Variants in NDST3 observed in about 807,000 individuals in gnomAD.
NDST3 encodes bifunctional heparan sulfate N-deacetylase/N-sulfotransferase 3.
In NDST3, 58 loss-of-function variants were observed where a neutral mutation model predicts 96.1. That is an observed-to-expected ratio of 0.60 (90% confidence interval 0.49 to 0.75). The LOEUF (loss-of-function observed/expected upper bound fraction) is 0.75, where lower values mean the gene tolerates loss of function less well. Among genes scored for constraint, NDST3 ranks in the 30% least tolerant of loss-of-function variants. The pLI, the probability that NDST3 is intolerant of heterozygous loss-of-function variation, is 0.00. For missense variants in NDST3, 788 were observed against 1,034.2 expected, an observed-to-expected ratio of 0.76 and a Z score of 3.27; for synonymous variants, 333 against 359.7, an observed-to-expected ratio of 0.93 and a Z score of 0.84.
chr4:118,160,426 G>C (rs999520403), intron 6 of NDST3, among the ~76,000 whole-genome samples: 1 of 151,032 alleles, frequency 6.6e-6, no homozygotes, highest in Non-Finnish European at 1.5e-5. Flanking sequence ...TCTGACAAAG[G>C]TCCAATAGCC....
chr4:118,061,339 A>C (rs931491999), intron 2 of NDST3, among the ~76,000 whole-genome samples: 4 of 151,922 alleles, frequency 2.6e-5, no homozygotes, highest in Admixed American at 2.6e-4. Context: ...TAAAGTTGCA[A>C]CCTCTAAATC....
chr4:118,034,117 A>T (rs1396230592), upstream of NDST3, among the ~76,000 whole-genome samples: 1 of 152,210 alleles, frequency 6.6e-6, no homozygotes, highest in Non-Finnish European at 1.5e-5. Flanking sequence ...AAAGAAAAAA[A>T]CAAACAGCCT....
chr4:118,244,142 A>G (rs971527806), intron 12 of NDST3, among the ~76,000 whole-genome samples: 11 of 152,274 alleles, frequency 7.2e-5, no homozygotes, highest in Admixed American at 5.2e-4. Context: ...TCAATCATCA[A>G]TTGGCCTGAC....
intron 5 of NDST3, among the ~76,000 whole-genome samples, chr4:118,140,384 C>A (rs1733475339): frequency 6.6e-6 from 1 of 152,144 alleles, no homozygotes; most frequent in Non-Finnish European, 1.5e-5. Flanking sequence ...AACATAAACA[C>A]CAATTACACT....
chr4:118,237,016 C>A, intron 9 of NDST3, 30 bp from the exon 10 acceptor site: 1 of 1,524,558 alleles, frequency 6.6e-7, no homozygotes, highest in Non-Finnish European at 8.9e-7. Flanking sequence ...AAACCAGAAT[C>A]TTATTTTGAG....
intron 3 of NDST3, among the ~76,000 whole-genome samples, chr4:118,113,934 G>A (rs1014457749): frequency 7.9e-5 from 12 of 151,986 alleles, no homozygotes; most frequent in African/African-American, 2.9e-4. Context: ...GATATGCCTA[G>A]GGAAGTACAA....
At chr4:118,080,673 T>C (rs2125816741) in intron 2 of NDST3, among the ~76,000 whole-genome samples, 1 of 152,282 alleles carries the variant, frequency 6.6e-6, no homozygotes, top group Admixed American at 6.5e-5. Context: ...TTATGTGCCA[T>C]ATTTTTTTAA....
At chr4:118,046,491 T>C (rs540684091) in intron 1 of NDST3, among the ~76,000 whole-genome samples, 1 of 152,308 alleles carries the variant, frequency 6.6e-6, no homozygotes, top group East Asian at 1.9e-4. Context: ...TCATGTCTGT[T>C]CTGCAGGCCT....
At chr4:118,091,660 T>A (rs1285971896) in intron 2 of NDST3, among the ~76,000 whole-genome samples, 1 of 151,708 alleles carries the variant, frequency 6.6e-6, no homozygotes, top group Non-Finnish European at 1.5e-5. Flanking sequence ...ACTGAGGGAA[T>A]GGAAGAGTAT....
intron 6 of NDST3, among the ~76,000 whole-genome samples, chr4:118,223,125 A>C (rs966219257): frequency 2.6e-5 from 4 of 152,018 alleles, no homozygotes; most frequent in Admixed American, 2.6e-4. Flanking sequence ...TACCTTATTA[A>C]GCTACACTGA....
intron 2 of NDST3, among the ~76,000 whole-genome samples, chr4:118,097,982 G>C (rs1479076171): frequency 6.6e-6 from 1 of 151,850 alleles, no homozygotes; most frequent in Non-Finnish European, 1.5e-5. Flanking sequence ...CTCACATTTT[G>C]TTTTTAACAC....
In NDST3 at chr4:118,233,080, A is replaced by G. The variant is rs541397753; in HGVS notation, c.1888A>G (p.Thr630Ala). ...CCTTAGTAACTCCCCCAGCCCAAAA[A>G]CCTTTGAGGAGGTACAGTTCTTTAA... is the stretch of plus-strand genomic sequence containing the variant. ...SILSNSPSPK[T>A]FEEVQFFNRN... Residue 630 changes from threonine (T) to alanine (A), a missense_variant, in exon 9 of 14, where the codon ACC becomes GCC. Thr to Ala is a moderately conservative substitution (Grantham distance 58). This residue lies in a region of NDST3 where 490 missense variants were observed against 708.8 expected (regional missense o/e 0.69). Coordinates refer to ENST00000296499, the MANE Select transcript of NDST3 (RefSeq NM_004784.3). 1 of 1,612,778 alleles carries G rather than the reference A, an allele frequency of 6.2e-7. No individual in the cohort carries two copies. Among genetic ancestry groups the G allele is most frequent in the Non-Finnish European group, 8.5e-7 (1 of 1,178,922 alleles).
intron 6 of NDST3, among the ~76,000 whole-genome samples, chr4:118,186,221 C>T (rs895989023): frequency 6.6e-6 from 1 of 152,130 alleles, no homozygotes; most frequent in African/African-American, 2.4e-5. Context: ...GTCTGGTCTG[C>T]TGGGGCCTAC....
At chr4:118,043,895 A>C (rs13118131) in intron 1 of NDST3, among the ~76,000 whole-genome samples, 97,315 of 152,176 alleles carry the variant, frequency 0.64, 34,494 homozygotes, top group South Asian at 0.82. Context: ...TGTTAGACCA[A>C]TTCCTCAGGG....
At chr4:118,043,126 A>G (rs1166639392) in intron 1 of NDST3, among the ~76,000 whole-genome samples, 1 of 152,204 alleles carries the variant, frequency 6.6e-6, no homozygotes, top group East Asian at 1.9e-4. Flanking sequence ...TTGCATAATG[A>G]TAAGTATTTT....
chr4:118,075,736 G>C (rs866248106), intron 2 of NDST3, among the ~76,000 whole-genome samples: 2 of 82,646 alleles, frequency 2.4e-5, no homozygotes, highest in Non-Finnish European at 6.4e-5. Flanking sequence ...CCCACTTTTT[G>C]ATGGGGCTGT....
At chr4:118,047,471 G>A (rs1432956066) in intron 1 of NDST3, among the ~76,000 whole-genome samples, 1 of 152,182 alleles carries the variant, frequency 6.6e-6, no homozygotes, top group African/African-American at 2.4e-5. Flanking sequence ...TTGAGATTCA[G>A]AAGAAAATTG....
chr4:118,060,772 A>G (rs550650158), intron 2 of NDST3, among the ~76,000 whole-genome samples: 9 of 152,194 alleles, frequency 5.9e-5, no homozygotes, highest in African/African-American at 2.2e-4. Flanking sequence ...TGCACTAAAC[A>G]AGTGCCAATA....
intron 6 of NDST3, among the ~76,000 whole-genome samples, chr4:118,208,934 C>A (rs962560923): frequency 7.5e-6 from 1 of 133,386 alleles, no homozygotes; most frequent in South Asian, 2.5e-4. Context: ...CCCTCTCCCC[C>A]CAGAGTGAAT....
Sources: gnomAD v4.1 joint callset for allele counts (sites outside exome capture counted in the v4.1 genomes callset) on GRCh38, gnomAD v4.1.1 for gene constraint, gnomAD v4.1.1 regional missense constraint, MANE v1.5 for transcripts, NCBI Gene and HGNC (gene_info 2026-07-23, HGNC 2026-07-21) for gene names.